BMPR1B: variants seen among roughly 807,000 people sequenced by gnomAD.
BMPR1B encodes the protein bone morphogenetic protein receptor type-1B.
In BMPR1B, 12 loss-of-function variants were observed where a neutral mutation model predicts 59.1. That is an observed-to-expected ratio of 0.20 (90% CI 0.13 to 0.33). BMPR1B has a LOEUF of 0.33. Among genes scored for constraint, BMPR1B ranks in the 10% least tolerant of loss-of-function variants. The probability of loss-of-function intolerance (pLI) is 1.00; values close to 1 mark genes in which losing one functional copy is unlikely to be tolerated. For synonymous variants in BMPR1B, 237 were observed against 207.3 expected (o/e 1.14, Z -1.23); for missense variants, 550 against 610.9 (o/e 0.90, Z 1.05).
intron 3 of BMPR1B, among the ~76,000 whole-genome samples, chr4:95,030,358 A>G (rs1056799921): frequency 8.5e-5 from 13 of 152,090 alleles, no homozygotes; most frequent in African/African-American, 3.1e-4. Context: ...TCCCAGCACC[A>G]TTTATTAAAT....
At chr4:94,776,487 C>T (rs532375948) in intron 1 of BMPR1B, among the ~76,000 whole-genome samples, 39 of 152,268 alleles carry the variant, frequency 2.6e-4, no homozygotes, top group Middle Eastern at 6.8e-3. Flanking sequence ...ATAATAAACA[C>T]GAAGTACTCT....
intron 1 of BMPR1B, among the ~76,000 whole-genome samples, chr4:94,860,566 G>C (rs1725936990): frequency 6.6e-6 from 1 of 152,142 alleles, no homozygotes; most frequent in Non-Finnish European, 1.5e-5. Context: ...GAACCTGTTT[G>C]TAACTATTGG....
chr4:94,848,578 G>T (rs1725435305), intron 1 of BMPR1B, among the ~76,000 whole-genome samples: 1 of 151,910 alleles, frequency 6.6e-6, no homozygotes, highest in South Asian at 2.1e-4. Context: ...GATCATGATT[G>T]GTCTCATAGA....
intron 6 of BMPR1B, 44 bp downstream of exon 6, chr4:95,115,831 T>C (rs1383971477): frequency 3.9e-6 from 6 of 1,529,704 alleles, no homozygotes; most frequent in Non-Finnish European, 5.4e-6. Context: ...CTAGGTATCA[T>C]GAAAATAAAA....
At chr4:94,785,892 C>G (rs1262921976) in intron 1 of BMPR1B, among the ~76,000 whole-genome samples, 1 of 152,046 alleles carries the variant, frequency 6.6e-6, no homozygotes, top group Non-Finnish European at 1.5e-5. Flanking sequence ...TCATTTTAGC[C>G]AGGAGAAAAT....
intron 3 of BMPR1B, among the ~76,000 whole-genome samples, chr4:95,078,457 C>T (rs1194425573): frequency 1.8e-4 from 28 of 152,184 alleles, no homozygotes. Context: ...GGGCTCTGTA[C>T]TAAGTGCGTT....
chr4:94,992,914 G>A (rs572997641), intron 2 of BMPR1B, among the ~76,000 whole-genome samples: 2 of 151,962 alleles, frequency 1.3e-5, no homozygotes, highest in African/African-American at 4.8e-5. Context: ...ATGGGGTCTT[G>A]TTCTGCCATC....
intron 10 of BMPR1B, 34 bp downstream of exon 10, chr4:95,131,546 G>A: frequency 6.2e-7 from 1 of 1,607,856 alleles, no homozygotes; most frequent in Middle Eastern, 1.7e-4. Context: ...CATGTTTTAT[G>A]ACTCTTTTCT....
At position 95,154,838 on chromosome 4, in the gene BMPR1B, C is replaced by CA; in HGVS notation, c.*166dup. On this transcript the variant is annotated 3_prime_UTR_variant, in exon 13 of 13. Transcript: ENST00000515059. ...TCTCAGGGAGCGACCTGGGCAAAGACAGAGAAGCTCCCAGAAGGAGAGATT... is the reference window on the plus strand; with the variant it reads ...TCTCAGGGAGCGACCTGGGCAAAGACAAGAGAAGCTCCCAGAAGGAGAGATT... 1 of 889,264 alleles carries CA rather than the reference C, an allele frequency of 1.1e-6. No homozygotes were observed. The highest frequency in any genetic ancestry group is 1.7e-6 in the Non-Finnish European group (1 of 575,384). 55.1% of individuals were successfully genotyped at this position (889,264 alleles called of 1,614,324 possible).
At chr4:94,927,981 C>T (rs1438128058) in intron 2 of BMPR1B, among the ~76,000 whole-genome samples, 1 of 151,964 alleles carries the variant, frequency 6.6e-6, no homozygotes, top group African/African-American at 2.4e-5. Context: ...CTGAGTATCT[C>T]TGGAATGTTG....
chr4:94,980,281 G>A (rs1441895795), intron 2 of BMPR1B, among the ~76,000 whole-genome samples: 1 of 152,152 alleles, frequency 6.6e-6, no homozygotes, highest in South Asian at 2.1e-4. Context: ...TATAGGCAAA[G>A]CATGGTTATA....
intron 2 of BMPR1B, among the ~76,000 whole-genome samples, chr4:94,899,965 G>A (rs114083230): frequency 1.1e-3 from 172 of 151,986 alleles, no homozygotes; most frequent in African/African-American, 3.6e-3. Flanking sequence ...AATTACCACC[G>A]TACAGTTCTA....
At chr4:94,771,760 C>CT (rs1722193595) in intron 1 of BMPR1B, among the ~76,000 whole-genome samples, 1 of 152,108 alleles carries the variant, frequency 6.6e-6, no homozygotes, top group Non-Finnish European at 1.5e-5. Context: ...CGTCTATTGT[C>CT]TAACTACAGT....
intron 1 of BMPR1B, among the ~76,000 whole-genome samples, chr4:94,861,073 A>C (rs962187943): frequency 1.3e-5 from 2 of 151,926 alleles, no homozygotes; most frequent in Non-Finnish European, 2.9e-5. Context: ...ATATGTGTCT[A>C]TCTCTTTTGC....
intron 3 of BMPR1B, among the ~76,000 whole-genome samples, chr4:95,081,001 T>C (rs985756660): frequency 6.6e-6 from 1 of 152,242 alleles, no homozygotes; most frequent in Non-Finnish European, 1.5e-5. Context: ...TCCCCACATA[T>C]GTCATGAGAG....
intron 1 of BMPR1B, among the ~76,000 whole-genome samples, chr4:94,797,864 C>T (rs1578655919): frequency 6.6e-6 from 1 of 152,206 alleles, no homozygotes; most frequent in South Asian, 2.1e-4. Flanking sequence ...CTTCAGACCC[C>T]AAAATTATTG....
intron 1 of BMPR1B, among the ~76,000 whole-genome samples, chr4:94,847,801 G>GT (rs1056339764): frequency 6.6e-6 from 1 of 152,128 alleles, no homozygotes; most frequent in African/African-American, 2.4e-5. Context: ...GGGTAGTGGG[G>GT]TGGGATTGGG....
chr4:94,773,899 A>G (rs1483796687), intron 1 of BMPR1B, among the ~76,000 whole-genome samples: 2 of 152,086 alleles, frequency 1.3e-5, no homozygotes, highest in Admixed American at 6.5e-5. Context: ...CTCTTTGAGA[A>G]GTTAATGCCT....
At chr4:95,095,331 A>G (rs1579069394) in intron 3 of BMPR1B, among the ~76,000 whole-genome samples, 2 of 152,232 alleles carry the variant, frequency 1.3e-5, no homozygotes, top group East Asian at 3.9e-4. Flanking sequence ...AAAAACTGTG[A>G]GTATTTAAAC....
Sources: gnomAD v4.1 joint callset for allele counts (sites outside exome capture counted in the v4.1 genomes callset) on GRCh38, gnomAD v4.1.1 for gene constraint, MANE v1.5 for transcripts, NCBI Gene and HGNC (gene_info 2026-07-23, HGNC 2026-07-21) for gene names.